Variants in MTMR8 observed in about 807,000 individuals in gnomAD.
MTMR8 encodes the protein phosphatidylinositol-3,5-bisphosphate 3-phosphatase MTMR8.
MTMR8 carries 65 observed loss-of-function variants against 39.3 expected under a neutral mutation model. That is an observed-to-expected ratio of 1.65 (90% confidence interval 1.35 to 2.03). The LOEUF (loss-of-function observed/expected upper bound fraction) is 2.03, where lower values mean the gene tolerates loss of function less well. MTMR8 is among the 30% of genes most tolerant of loss of function. The pLI is 0.00. For missense variants in MTMR8, 777 were observed against 538.9 expected, an observed-to-expected ratio of 1.44 and a Z score of -4.37; for synonymous variants, 245 against 185.2, an observed-to-expected ratio of 1.32 and a Z score of -2.62.
chrX:64,288,524 A>G (rs1921281972), intron 12 of MTMR8, among the ~76,000 whole-genome samples: 1 of 111,832 alleles, frequency 8.9e-6, no homozygotes, highest in South Asian at 3.7e-4. Flanking sequence ...CTGGGTATAT[A>G]CCCAAAGGAA....
chrX:64,338,086 C>G (rs1249927785), intron 8 of MTMR8, among the ~76,000 whole-genome samples: 2 of 112,000 alleles, frequency 1.8e-5, no homozygotes, highest in African/African-American at 6.5e-5. Context: ...AATGGAAAAA[C>G]TACTGGTAAT....
chrX:64,372,932 A>G (rs1333186886), intron 1 of MTMR8, among the ~76,000 whole-genome samples: 2 of 111,832 alleles, frequency 1.8e-5, no homozygotes, highest in African/African-American at 6.5e-5. Context: ...ATTGTCAGAC[A>G]AATAACTCTG....
chrX:64,271,026 T>C lies in MTMR8; in HGVS notation c.1529A>G (p.Lys510Arg), dbSNP rs1931748399. 1.1e-5 allele frequency: 13 copies of C among 1,207,513 alleles called. No individual in the cohort carries two copies. The highest frequency in any genetic ancestry group is 1.5e-5 in the Non-Finnish European group (13 of 894,156). ...YNRFDKGLQP[K>R]QSMLESLLEI... is the part of the protein sequence containing the mutation. ...CAGGAGGCTCTCTAGCATACTCTGC[T>C]TGGGCTGCAGCCCTTTGTCAAAGCG... The change falls in exon 13 of 14, where the codon AAG becomes AGG. Residue 510 changes from lysine to arginine, a missense_variant. Physicochemically the swap from Lys to Arg is conservative, Grantham distance 26. Coordinates refer to ENST00000374852, the MANE Select transcript of MTMR8 (RefSeq NM_017677.4).
intron 12 of MTMR8, among the ~76,000 whole-genome samples, chrX:64,311,970 T>C (rs1166484722): frequency 1.8e-5 from 2 of 111,120 alleles, no homozygotes; most frequent in African/African-American, 6.6e-5. Flanking sequence ...TTGCTTAGGA[T>C]TGTCTTGGCA....
chrX:64,355,824 C>T (rs947358007), intron 3 of MTMR8, among the ~76,000 whole-genome samples: 4 of 111,115 alleles, frequency 3.6e-5, no homozygotes, highest in African/African-American at 1.3e-4. Flanking sequence ...CAGCAGGAAA[C>T]AAATTTTCTT....
rs1362021810 is a variant in MTMR8 at position 64,350,090 on chromosome X, A to C, written c.469-20T>G. On this transcript the variant is annotated intron_variant, in intron 4 of 13. Coordinates refer to ENST00000374852, the MANE Select transcript of MTMR8 (RefSeq NM_017677.4). ...GCATATCTAAAAGAAAATAAGCACAATATATATAAATATATATTTATACAT... is the reference window on the plus strand; with the variant it reads ...GCATATCTAAAAGAAAATAAGCACACTATATATAAATATATATTTATACAT... The C allele has an allele frequency of 7.0e-6, 6 of 854,465 alleles. No individual in the cohort carries two copies. The African/African-American group carries it at 1.1e-4, about 16-fold the overall frequency. 70.4% of individuals were successfully genotyped at this position (854,465 alleles called of 1,213,427 possible).
Position 64,354,768 on chromosome X carries a change from C to A in MTMR8, c.468+9G>T, listed in dbSNP as rs367631634. 8.6e-7 allele frequency: 1 copy of A among 1,165,822 alleles called. No homozygotes were observed. Among genetic ancestry groups the A allele is most frequent in the Non-Finnish European group, 1.1e-6 (1 of 874,132 alleles). On this transcript the variant is annotated intron_variant, in intron 4 of 13. Transcript: ENST00000374852. ...TGCACCAAAAGGCAAACAACAAGGA[C>A]AAAATTACCTCATAGTTTCTGTTGG... is the stretch of plus-strand genomic sequence containing the variant.
intron 11 of MTMR8, among the ~76,000 whole-genome samples, chrX:64,330,793 A>G (rs963591161): frequency 1.8e-5 from 2 of 112,035 alleles, no homozygotes; most frequent in African/African-American, 6.5e-5. Flanking sequence ...ATTCAGCTCT[A>G]GCTGTTTATT....
intron 12 of MTMR8, among the ~76,000 whole-genome samples, chrX:64,297,738 C>T (rs1921670586): frequency 9.1e-6 from 1 of 109,333 alleles, no homozygotes; most frequent in Admixed American, 9.9e-5. Context: ...ATCTTTACTC[C>T]ATCTTGAATT....
intron 9 of MTMR8, 86 bp downstream of exon 9, chrX:64,337,181 CA>C (rs771596318): frequency 2.3e-4 from 239 of 1,043,070 alleles, no homozygotes; most frequent in Middle Eastern, 7.0e-4. Context: ...CTAACTCTGG[CA>C]AAAAAAATAT....
rs767746332 is a variant in MTMR8, at chrX:64,337,287, C to T, written c.1082G>A (p.Arg361Lys). The change falls in exon 9 of 14, where the codon AGG becomes AAG. Residue 361 changes from arginine to lysine, a missense_variant. Physicochemically the swap from Arg to Lys is conservative, Grantham distance 26. Transcript: ENST00000374852. ...VASILLDPFYRTFKGLMILIE... is the reference protein window; with the variant it reads ...VASILLDPFYKTFKGLMILIE... The stretch of plus-strand genomic sequence containing the variant: ...TCTTACCATGAGTCCTTTGAATGTC[C>T]TATAAAATGGATCTAGGAGGATGCT... 4 of 1,209,813 alleles carry T rather than the reference C, an allele frequency of 3.3e-6. 1 individual carries two copies. The South Asian group carries it at 5.3e-5, about 16-fold the overall frequency.
At chrX:64,340,239 A>G (rs780105448) in intron 8 of MTMR8, among the ~76,000 whole-genome samples, 2 of 111,946 alleles carry the variant, frequency 1.8e-5, no homozygotes, top group South Asian at 7.5e-4. Context: ...TTTCCATGAG[A>G]TAGAAGAACT....
chrX:64,319,304 T>G (rs1038172220), intron 12 of MTMR8, among the ~76,000 whole-genome samples: 1 of 112,380 alleles, frequency 8.9e-6, no homozygotes, highest in Non-Finnish European at 1.9e-5. Flanking sequence ...AAAAAGAGAC[T>G]ACTTTGTCAG....
intron 12 of MTMR8, among the ~76,000 whole-genome samples, chrX:64,271,475 T>G (rs1297243723): frequency 8.9e-6 from 1 of 111,977 alleles, no homozygotes; most frequent in Non-Finnish European, 1.9e-5. Flanking sequence ...AAGGATCAAT[T>G]CCCTTTATGA....
Position 64,389,009 on chromosome X carries a change from TG to T in MTMR8, c.24+6330del, listed in dbSNP as rs1220962809. On this transcript the variant is annotated intron_variant, in intron 1 of 13. Coordinates refer to ENST00000374852, the MANE Select transcript of MTMR8 (RefSeq NM_017677.4). ...AGTACATGGGTAAAGAGCACAAACT[TG>T]GGTCACAGACTGTTTGGCTTCGTAT... 2.7e-5 allele frequency among the ~76,000 whole-genome samples: 3 copies of T among 111,983 alleles called. No individual in the cohort carries two copies. In the South Asian group the frequency reaches 1.1e-3, roughly 42 times the overall value.
At chrX:64,302,963 C>T (rs938465306) in intron 12 of MTMR8, among the ~76,000 whole-genome samples, 2 of 112,408 alleles carry the variant, frequency 1.8e-5, no homozygotes, top group African/African-American at 6.5e-5. Context: ...CAGGCCTATA[C>T]CAGAGAGTCT....
chrX:64,336,696 C>T (rs1213288538), intron 9 of MTMR8, among the ~76,000 whole-genome samples: 1 of 110,886 alleles, frequency 9.0e-6, no homozygotes, highest in Non-Finnish European at 1.9e-5. Context: ...ACTTGGGAGG[C>T]TATGGCACAA....
chrX:64,288,049 A>C (rs1460861935), intron 12 of MTMR8, among the ~76,000 whole-genome samples: 1 of 86,807 alleles, frequency 1.2e-5, no homozygotes, highest in Non-Finnish European at 2.2e-5. Flanking sequence ...AAAAAAAAAA[A>C]CTACCATAAG....
intron 12 of MTMR8, among the ~76,000 whole-genome samples, chrX:64,319,585 G>A (rs772011931): frequency 8.9e-6 from 1 of 111,863 alleles, no homozygotes; most frequent in South Asian, 3.7e-4. Flanking sequence ...TTTGTATAAG[G>A]TGTAAGGAAG....
Sources: gnomAD v4.1 joint callset for allele counts (sites outside exome capture counted in the v4.1 genomes callset) on GRCh38, gnomAD v4.1.1 for gene constraint, MANE v1.5 for transcripts, NCBI Gene and HGNC (gene_info 2026-07-23, HGNC 2026-07-21) for gene names.